The following NEGR1 variants were observed in gnomAD, a reference collection of about 807,000 sequenced individuals.
NEGR1 encodes IgLON family member 4.
NEGR1 carries 10 observed loss-of-function variants against 40.9 expected under a neutral mutation model. The ratio of observed to expected loss-of-function variants is 0.24; its 90% CI spans 0.15 to 0.42. The LOEUF (loss-of-function observed/expected upper bound fraction) is 0.42, where lower values mean the gene tolerates loss of function less well. Among genes scored for constraint, NEGR1 ranks in the 10% least tolerant of loss-of-function variants. The pLI, the probability that NEGR1 is intolerant of heterozygous loss-of-function variation, is 1.00. For missense variants in NEGR1, 352 were observed against 438.9 expected, an observed-to-expected ratio of 0.80 and a Z score of 1.77; for synonymous variants, 185 against 166.8, an observed-to-expected ratio of 1.11 and a Z score of -0.84.
At chr1:72,232,629 C>A (rs1654404873) in intron 1 of NEGR1, among the ~76,000 whole-genome samples, 1 of 151,890 alleles carries the variant, frequency 6.6e-6, no homozygotes, top group African/African-American at 2.4e-5. Flanking sequence ...TAATAGCAAT[C>A]ATTTTAATTG....
intron 1 of NEGR1, among the ~76,000 whole-genome samples, chr1:71,937,260 A>G (rs933518157): frequency 2.6e-5 from 4 of 152,242 alleles, no homozygotes; most frequent in African/African-American, 9.6e-5. Context: ...CCCTTTAATG[A>G]TGTAATTAAA....
chr1:71,537,390 G>C (rs746313603), intron 6 of NEGR1, among the ~76,000 whole-genome samples: 28 of 151,602 alleles, frequency 1.8e-4, no homozygotes, highest in Non-Finnish European at 3.4e-4. Flanking sequence ...CCTATGCAAG[G>C]GATCATATAA....
chr1:71,661,336 G>C (rs1415927165), intron 4 of NEGR1, among the ~76,000 whole-genome samples: 1 of 152,080 alleles, frequency 6.6e-6, no homozygotes, highest in Non-Finnish European at 1.5e-5. Flanking sequence ...TGTTAGTGGG[G>C]GTCTTTTATA....
chr1:71,558,115 C>T (rs1218505054), intron 6 of NEGR1, among the ~76,000 whole-genome samples: 1 of 151,422 alleles, frequency 6.6e-6, no homozygotes, highest in Non-Finnish European at 1.5e-5. Context: ...TGATGCTAAC[C>T]TTAATAATTT....
chr1:72,093,231 T>C (rs1648562735), intron 1 of NEGR1, among the ~76,000 whole-genome samples: 1 of 150,118 alleles, frequency 6.7e-6, no homozygotes, highest in Non-Finnish European at 1.5e-5. Flanking sequence ...GCTGGTAGGC[T>C]GAGGCAGGAG....
chr1:71,903,976 A>G (rs934524934), intron 2 of NEGR1, among the ~76,000 whole-genome samples: 2 of 151,960 alleles, frequency 1.3e-5, no homozygotes, highest in African/African-American at 4.8e-5. Context: ...TTCAATAACA[A>G]TTGATTTATT....
At chr1:72,143,903 ATGATATATATAAT>A (rs1650787808) in intron 1 of NEGR1, among the ~76,000 whole-genome samples, 1 of 80,930 alleles carries the variant, frequency 1.2e-5, no homozygotes, top group African/African-American at 4.9e-5. Context: ...TATTATATAT[ATGATATATATAAT>A]ATATATATAT....
At chr1:72,167,494 CAAAG>C (rs1651810327) in intron 1 of NEGR1, among the ~76,000 whole-genome samples, 1 of 151,746 alleles carries the variant, frequency 6.6e-6, no homozygotes, top group African/African-American at 2.4e-5. Context: ...ATTAGTAAAA[CAAAG>C]AAATCATATA....
intron 6 of NEGR1, among the ~76,000 whole-genome samples, chr1:71,500,701 A>C (rs1646993228): frequency 6.6e-6 from 1 of 152,064 alleles, no homozygotes; most frequent in Non-Finnish European, 1.5e-5. Context: ...GATTGGATTG[A>C]GGACCCTTGG....
chr1:72,199,255 C>T (rs1342874), intron 1 of NEGR1, among the ~76,000 whole-genome samples: 32,212 of 136,560 alleles, frequency 0.24, 3,839 homozygotes, highest in South Asian at 0.28. Context: ...ATGTATACTG[C>T]GCTACTCTGG....
At chr1:71,580,480 A>G (rs1649101338) in intron 6 of NEGR1, among the ~76,000 whole-genome samples, 3 of 152,136 alleles carry the variant, frequency 2.0e-5, no homozygotes, top group Admixed American at 2.0e-4. Context: ...AATAAAAAAA[A>G]AGAAATGTGG....
Position 71,711,481 on chromosome 1 carries a change from CA to C in NEGR1, c.536-13343del, listed in dbSNP as rs71070899. ...CCACTATTAGAATGGCTAAAATTTACAAAAAAAAAAAAAAAAAGATTAGTGC... is the reference window on the plus strand; with the variant it reads ...CCACTATTAGAATGGCTAAAATTTACAAAAAAAAAAAAAAAAGATTAGTGC... On this transcript the variant is annotated intron_variant, in intron 3 of 6. Transcript: ENST00000357731. Among the ~76,000 whole-genome samples the C allele has an allele frequency of 1.3e-3, 170 of 126,616 alleles. 1 individual carries two copies. The highest frequency in any genetic ancestry group is 1.7e-3 in the Admixed American group (20 of 12,056). 83.1% of individuals were successfully genotyped at this position (126,616 alleles called of 152,430 possible). A position where few individuals can be genotyped will look rare whatever the true frequency, so the allele number is the denominator to read the frequency against.
intron 1 of NEGR1, among the ~76,000 whole-genome samples, chr1:72,193,569 T>C (rs965161203): frequency 6.6e-6 from 1 of 151,570 alleles, no homozygotes; most frequent in Non-Finnish European, 1.5e-5. Context: ...GAACAAAGAA[T>C]TAGAAACAAA....
intron 2 of NEGR1, among the ~76,000 whole-genome samples, chr1:71,922,333 ATAG>A (rs1189287022): frequency 6.6e-6 from 1 of 152,218 alleles, no homozygotes; most frequent in African/African-American, 2.4e-5. Context: ...ACTAAAAAAC[ATAG>A]TAGGCTGGGA....
intron 1 of NEGR1, among the ~76,000 whole-genome samples, chr1:72,273,964 G>A (rs1570210782): frequency 6.6e-6 from 1 of 151,096 alleles, no homozygotes; most frequent in Non-Finnish European, 1.5e-5. Flanking sequence ...AGCTGAATGA[G>A]CATTTTACCA....
At chr1:71,900,407 T>C in intron 2 of NEGR1, among the ~76,000 whole-genome samples, 1 of 152,318 alleles carries the variant, frequency 6.6e-6, no homozygotes, top group South Asian at 2.1e-4. Flanking sequence ...TTCACTTTAT[T>C]ATATTGAATT....
intron 6 of NEGR1, among the ~76,000 whole-genome samples, chr1:71,506,245 C>G (rs913623772): frequency 6.6e-6 from 1 of 152,210 alleles, no homozygotes; most frequent in Non-Finnish European, 1.5e-5. Context: ...AAAGCAGGCC[C>G]TCATTGCAGC....
intron 2 of NEGR1, among the ~76,000 whole-genome samples, chr1:71,846,280 A>C (rs920332383): frequency 6.6e-6 from 1 of 152,072 alleles, no homozygotes; most frequent in African/African-American, 2.4e-5. Flanking sequence ...CCAAGTACCT[A>C]GGAGTCCGAT....
At chr1:71,753,839 G>C (rs1054446479) in intron 3 of NEGR1, among the ~76,000 whole-genome samples, 9 of 152,150 alleles carry the variant, frequency 5.9e-5, no homozygotes, top group African/African-American at 1.9e-4. Flanking sequence ...GTGACGGCTG[G>C]AGAGCAGAAG....
Sources: gnomAD v4.1 joint callset for allele counts (sites outside exome capture counted in the v4.1 genomes callset) on GRCh38, gnomAD v4.1.1 for gene constraint, MANE v1.5 for transcripts, NCBI Gene and HGNC (gene_info 2026-07-23, HGNC 2026-07-21) for gene names.